Variants in MRPL58 observed in about 807,000 individuals in gnomAD.
The protein encoded by MRPL58 is large ribosomal subunit protein mL62.
In MRPL58, 17 loss-of-function variants were observed where a neutral mutation model predicts 26.0. That is an observed-to-expected ratio of 0.65 (90% CI 0.45 to 0.98). The LOEUF (loss-of-function observed/expected upper bound fraction) is 0.98, where lower values mean the gene tolerates loss of function less well. MRPL58 is among the 50% of genes least tolerant of loss of function. MRPL58 has a pLI of 0.00. For synonymous variants in MRPL58, 100 were observed against 99.7 expected, an observed-to-expected ratio of 1.00 and a Z score of -0.02; for missense variants, 250 against 269.0, an observed-to-expected ratio of 0.93 and a Z score of 0.49.
At chr17:75,019,850 G>A (rs2040002301) in intron 3 of MRPL58, 91 bp downstream of exon 3, 6 of 986,194 alleles carry the variant, frequency 6.1e-6, no homozygotes, top group Non-Finnish European at 9.0e-6. Flanking sequence ...ATGGAATAAA[G>A]GGATTTTTCA....
intron 2 of MRPL58, among the ~76,000 whole-genome samples, chr17:75,019,281 G>A (rs1245788684): frequency 3.3e-5 from 5 of 152,104 alleles, no homozygotes; most frequent in African/African-American, 4.8e-5. Flanking sequence ...GCAGTAGCTC[G>A]GTAGTAGCTC....
At chr17:75,013,245 C>T (rs951376020) in intron 1 of MRPL58, among the ~76,000 whole-genome samples, 1 of 152,190 alleles carries the variant, frequency 6.6e-6, no homozygotes, top group Non-Finnish European at 1.5e-5. Context: ...TTACAGTGTC[C>T]ATTGTCTCTA....
chr17:75,015,841 G>A (rs972849558), intron 1 of MRPL58, among the ~76,000 whole-genome samples: 5 of 151,976 alleles, frequency 3.3e-5, no homozygotes, highest in Non-Finnish European at 7.4e-5. Flanking sequence ...AGGCAGGAGT[G>A]CAGTGTCCTG....
Position 75,020,953 on chromosome 17 carries a change from A to T in MRPL58, c.569A>T (p.Gln190Leu). Reference protein sequence around the residue: ...IENMNRERLRQKRIHSAVKTS... With the variant: ...IENMNRERLRLKRIHSAVKTS... ...AACATGAATCGGGAAAGGCTGAGAC[A>T]AAAGAGAATTCATTCTGCTGTAAAG... Residue 190 changes from glutamine to leucine, a missense_variant, in exon 6 of 6, where the codon CAA (glutamine) becomes CTA (leucine). By Grantham distance (113) the Gln-to-Leu change is moderately radical. Coordinates refer to ENST00000301585, the MANE Select transcript of MRPL58 (RefSeq NM_001545.3). 1 of 1,614,094 alleles carries T rather than the reference A, an allele frequency of 6.2e-7. No individual in the cohort carries two copies. The highest frequency in any genetic ancestry group is 1.1e-5 in the South Asian group (1 of 91,082).
intron 1 of MRPL58, among the ~76,000 whole-genome samples, chr17:75,014,385 G>C (rs1408627745): frequency 2.8e-5 from 4 of 143,166 alleles, no homozygotes; most frequent in Admixed American, 2.8e-4. Flanking sequence ...TAGAGAGGGG[G>C]TTTCACCGTA....
chr17:75,015,600 G>C (rs1383490576), intron 1 of MRPL58, among the ~76,000 whole-genome samples: 1 of 152,170 alleles, frequency 6.6e-6, no homozygotes, highest in Non-Finnish European at 1.5e-5. Flanking sequence ...AAGTTGCTAA[G>C]AGCTAGCAAA....
chr17:75,017,911 G>A (rs551208312), intron 2 of MRPL58, among the ~76,000 whole-genome samples: 10 of 145,902 alleles, frequency 6.9e-5, no homozygotes, highest in South Asian at 4.5e-4. Context: ...GCGACACAGC[G>A]AGACTCTGTC....
intron 1 of MRPL58, among the ~76,000 whole-genome samples, chr17:75,015,752 ATTCTTT>A (rs1371472768): frequency 2.6e-5 from 4 of 151,944 alleles, no homozygotes; most frequent in Non-Finnish European, 4.4e-5. Context: ...TCCCCAAATA[ATTCTTT>A]TTCTTTTTCT....
At chr17:75,013,870 A>G (rs554906121) in intron 1 of MRPL58, among the ~76,000 whole-genome samples, 2 of 152,326 alleles carry the variant, frequency 1.3e-5, no homozygotes, top group South Asian at 4.1e-4. Flanking sequence ...TGTTACTAGG[A>G]CTTAATGGCC....
At chr17:75,016,392 G>C (rs956747624) in intron 1 of MRPL58, among the ~76,000 whole-genome samples, 20 of 152,080 alleles carry the variant, frequency 1.3e-4, no homozygotes, top group African/African-American at 4.1e-4. Context: ...CTCCAGCCTG[G>C]GCTACAGAGC....
intron 2 of MRPL58, among the ~76,000 whole-genome samples, chr17:75,018,245 T>C (rs2039988127): frequency 6.6e-6 from 1 of 151,710 alleles, no homozygotes; most frequent in African/African-American, 2.4e-5. Flanking sequence ...TTTTTTTTTT[T>C]CTTTGAGATG....
At chr17:75,019,913 G>A (rs1598670206) in intron 3 of MRPL58, among the ~76,000 whole-genome samples, 154 bp downstream of exon 3, 1 of 152,118 alleles carries the variant, frequency 6.6e-6, no homozygotes, top group South Asian at 2.1e-4. Flanking sequence ...TCTTTTGAAT[G>A]TGGTCTGATT....
Position 75,012,675 on chromosome 17 carries a change from C to G in MRPL58, c.-12C>G, listed in dbSNP as rs1307407390. The G allele has an allele frequency of 2.0e-6, 3 of 1,531,506 alleles. No individual in the cohort carries two copies. Among genetic ancestry groups the G allele is most frequent in the South Asian group, 1.2e-5 (1 of 83,410 alleles). The allele number at this position is 1,531,506 out of a possible 1,614,324, so 94.9% of individuals were successfully genotyped here. On this transcript the variant is annotated 5_prime_UTR_variant, in exon 1 of 6. Transcript: ENST00000301585. ...AGGAAGCGCCCGCCGGAAGCAGTCG[C>G]AAGACCTGAGCATGGCGGCCACCAG...
intron 3 of MRPL58, 36 bp downstream of exon 3, chr17:75,019,795 A>C (rs776256942): frequency 1.3e-6 from 2 of 1,559,022 alleles, no homozygotes; most frequent in Non-Finnish European, 1.8e-6. Flanking sequence ...TTGCTTTAAA[A>C]TGTAGCTGGG....
In MRPL58 at chr17:75,020,924, A is replaced by G; in HGVS notation, c.540A>G (p.Ile180Met). Residue 180 changes from isoleucine to methionine, a missense_variant, in exon 6 of 6, where the codon ATA becomes ATG. Coordinates refer to ENST00000301585, the MANE Select transcript of MRPL58 (RefSeq NM_001545.3). ...KEDVKLHRIRIENMNRERLRQ... is the reference protein window; with the variant it reads ...KEDVKLHRIRMENMNRERLRQ... ...ATTGCAGTCTTTTTGTTTTCAGGAT[A>G]GAAAACATGAATCGGGAAAGGCTGA... is the stretch of plus-strand genomic sequence containing the variant. The G allele has an allele frequency of 6.2e-7, 1 of 1,611,722 alleles. No homozygotes were observed. Among genetic ancestry groups the G allele is most frequent in the Non-Finnish European group, 8.5e-7 (1 of 1,177,826 alleles).
chr17:75,012,850 C>T lies in MRPL58; in HGVS notation c.164C>T (p.Ser55Leu), dbSNP rs751133594. 5.0e-6 allele frequency: 8 copies of T among 1,611,568 alleles called. No individual in the cohort carries two copies. Among genetic ancestry groups the T allele is most frequent in the East Asian group, 2.2e-5 (1 of 44,504 alleles). ...LDKLYPESQG[S>L]DTAWRVPNGA... ...AAGCTCTACCCCGAATCTCAGGGCT[C>T]GGACACCGCCTGGAGGGTCCCGGTG... Residue 55 changes from serine (S) to leucine (L), a missense_variant, in exon 1 of 6, where the codon TCG becomes TTG. Transcript: ENST00000301585.
chr17:75,019,628 C>CA, intron 2 of MRPL58, 72 bp from the exon 3 acceptor site: 5 of 1,432,554 alleles, frequency 3.5e-6, no homozygotes, highest in Non-Finnish European at 4.9e-6. Context: ...CTACATTCCT[C>CA]AGACACAACA....
intron 2 of MRPL58, 65 bp from the exon 3 acceptor site, chr17:75,019,632 CACA>C (rs771562351): frequency 7.5e-6 from 11 of 1,457,774 alleles, no homozygotes; most frequent in East Asian, 4.5e-5. Flanking sequence ...ATTCCTCAGA[CACA>C]ACAAGACTGC....
chr17:75,020,698 TGGACA>T, intron 5 of MRPL58, 41 bp downstream of exon 5: 1 of 1,596,306 alleles, frequency 6.3e-7, no homozygotes, highest in Non-Finnish European at 8.6e-7. Flanking sequence ...CTGATTTGTG[TGGACA>T]AGAGTCTACA....
Sources: allele counts gnomAD v4.1 joint callset (sites outside exome capture counted in the v4.1 genomes callset), GRCh38; gene constraint gnomAD v4.1.1; transcripts MANE v1.5; gene names NCBI Gene and HGNC (gene_info 2026-07-23, HGNC 2026-07-21).